ADAM32: variants seen among roughly 807,000 people sequenced by gnomAD.
ADAM32 encodes the protein ADAM metallopeptidase domain 32, also known as disintegrin and metalloproteinase domain-containing protein 32.
A neutral mutation model predicts 114.9 loss-of-function variants in ADAM32; 89 were observed. The ratio of observed to expected loss-of-function variants is 0.77; its 90% CI spans 0.65 to 0.92. The LOEUF (loss-of-function observed/expected upper bound fraction) is 0.92, where lower values mean the gene tolerates loss of function less well. Ranked by LOEUF, ADAM32 falls within the 40% of genes least tolerant of loss-of-function variation. The pLI is 0.00. For synonymous variants in ADAM32, 285 were observed against 307.5 expected (o/e 0.93, Z 0.77); for missense variants, 870 against 932.8 (o/e 0.93, Z 0.88).
At chr8:39,150,611 A>G (rs1037274642) in intron 5 of ADAM32, among the ~76,000 whole-genome samples, 1 of 152,136 alleles carries the variant, frequency 6.6e-6, no homozygotes, top group East Asian at 1.9e-4. Context: ...TCTGTCAGGA[A>G]ATTTTCCACC....
intron 18 of ADAM32, among the ~76,000 whole-genome samples, chr8:39,256,903 T>C (rs919693826): frequency 6.6e-6 from 1 of 152,122 alleles, no homozygotes; most frequent in Admixed American, 6.6e-5. Flanking sequence ...TTGTATATCA[T>C]TGAATTTTTT....
intron 6 of ADAM32, among the ~76,000 whole-genome samples, chr8:39,156,438 C>A (rs1804155094): frequency 6.6e-6 from 1 of 152,218 alleles, no homozygotes; most frequent in Non-Finnish European, 1.5e-5. Flanking sequence ...AGCCACTGCA[C>A]CCAGCTATAA....
chr8:39,266,988 G>C (rs971631737), intron 19 of ADAM32, among the ~76,000 whole-genome samples: 19 of 152,202 alleles, frequency 1.2e-4, no homozygotes, highest in African/African-American at 4.6e-4. Context: ...CTGTTTCTTT[G>C]TTCTCTGTCC....
At chr8:39,182,926 C>G (rs1805993837) in intron 10 of ADAM32, among the ~76,000 whole-genome samples, 1 of 152,090 alleles carries the variant, frequency 6.6e-6, no homozygotes, top group African/African-American at 2.4e-5. Flanking sequence ...ACAGGCAGAC[C>G]TTGGTGTTGG....
chr8:39,282,938 G>A (rs927279352), intron 23 of ADAM32, among the ~76,000 whole-genome samples: 2 of 152,102 alleles, frequency 1.3e-5, no homozygotes, highest in East Asian at 3.9e-4. Flanking sequence ...AAATAGCAAA[G>A]GTAGGGAAAG....
intron 12 of ADAM32, among the ~76,000 whole-genome samples, chr8:39,214,793 GT>G (rs1269186280): frequency 6.6e-6 from 1 of 152,038 alleles, no homozygotes; most frequent in African/African-American, 2.4e-5. Context: ...TTTCTCTAAT[GT>G]TTTCTTGTAG....
chr8:39,125,010 T>C (rs1018241778), intron 2 of ADAM32, among the ~76,000 whole-genome samples: 1 of 152,206 alleles, frequency 6.6e-6, no homozygotes, highest in Non-Finnish European at 1.5e-5. Context: ...CCAGTATCTG[T>C]TGTTTTATGA....
intron 17 of ADAM32, among the ~76,000 whole-genome samples, chr8:39,249,775 C>T (rs1161527319): frequency 6.6e-6 from 1 of 152,106 alleles, no homozygotes; most frequent in Non-Finnish European, 1.5e-5. Flanking sequence ...TGAAGAATCT[C>T]TTCTGACATT....
chr8:39,250,114 GTGA>G (rs1378408823), intron 17 of ADAM32, among the ~76,000 whole-genome samples: 2 of 151,924 alleles, frequency 1.3e-5, no homozygotes, highest in East Asian at 3.9e-4. Context: ...GTGATTTGTT[GTGA>G]GACATTAATT....
intron 14 of ADAM32, among the ~76,000 whole-genome samples, chr8:39,224,608 G>T (rs1471652980): frequency 6.7e-6 from 1 of 150,188 alleles, no homozygotes; most frequent in Non-Finnish European, 1.5e-5. Context: ...CTTTTTTTTT[G>T]CTACTGAGTT....
intron 12 of ADAM32, among the ~76,000 whole-genome samples, chr8:39,214,955 C>T (rs573582880): frequency 8.5e-5 from 13 of 152,122 alleles, no homozygotes; most frequent in African/African-American, 3.1e-4. Flanking sequence ...TGTTCTTTCC[C>T]AAGTGTATGT....
chr8:39,216,980 C>T (rs967139265), intron 12 of ADAM32, among the ~76,000 whole-genome samples: 5 of 151,806 alleles, frequency 3.3e-5, no homozygotes, highest in Non-Finnish European at 5.9e-5. Context: ...CACTCGTTAA[C>T]GTCCTTTTTC....
At chr8:39,121,845 GGA>G (rs572756493) in intron 2 of ADAM32, among the ~76,000 whole-genome samples, 23 of 152,290 alleles carry the variant, frequency 1.5e-4, no homozygotes, top group Admixed American at 5.9e-4. Context: ...TAGGGCCATG[GGA>G]GAGTTGCTGT....
chr8:39,120,196 G>C (rs1304984037), intron 2 of ADAM32, among the ~76,000 whole-genome samples: 1 of 152,098 alleles, frequency 6.6e-6, no homozygotes, highest in East Asian at 1.9e-4. Context: ...ATCCGATTTT[G>C]GTATTGTGAA....
chr8:39,221,400 G>C, intron 12 of ADAM32: 2 of 500,060 alleles, frequency 4.0e-6, no homozygotes, highest in Non-Finnish European at 7.2e-6. Flanking sequence ...CCAGAGGAAG[G>C]TAAGTAGGTT....
At chr8:39,108,153 T>G (rs117432407) in intron 1 of ADAM32, 8,168 of 229,596 alleles carry the variant, frequency 0.036, 206 homozygotes, top group Non-Finnish European at 0.048. Flanking sequence ...GAGGTGGTGG[T>G]GCGCACCTGT....
At chr8:39,143,627 C>T (rs1395580081) in intron 3 of ADAM32, among the ~76,000 whole-genome samples, 1 of 152,058 alleles carries the variant, frequency 6.6e-6, no homozygotes. Context: ...GTCTGTCGAC[C>T]CCTACTGGGA....
At chr8:39,223,663 A>G (rs893748645) in intron 14 of ADAM32, 4 of 151,956 alleles carry the variant, frequency 2.6e-5, no homozygotes, top group African/African-American at 9.7e-5. Context: ...GAATTTTTGT[A>G]TCTATCCTTT....
chr8:39,270,060 C>T (rs1000349574), intron 19 of ADAM32, among the ~76,000 whole-genome samples: 2 of 152,186 alleles, frequency 1.3e-5, no homozygotes, highest in Non-Finnish European at 2.9e-5. Context: ...TGGGGGAAAC[C>T]ACTACCGTGA....
Sources: gnomAD v4.1 joint callset for allele counts (sites outside exome capture counted in the v4.1 genomes callset) on GRCh38, gnomAD v4.1.1 for gene constraint, MANE v1.5 for transcripts, NCBI Gene and HGNC (gene_info 2026-07-23, HGNC 2026-07-21) for gene names.